The following DCDC2 variants were observed in gnomAD, a reference collection of about 807,000 sequenced individuals.
DCDC2 encodes doublecortin domain containing 2.
In DCDC2, 40 loss-of-function variants were observed where a neutral mutation model predicts 50.2. The ratio of observed to expected loss-of-function variants is 0.80; its 90% confidence interval spans 0.62 to 1.04. The LOEUF (loss-of-function observed/expected upper bound fraction) is 1.04. Among genes scored for constraint, DCDC2 ranks in the 50% least tolerant of loss-of-function variants. DCDC2 has a pLI of 0.00. For synonymous variants in DCDC2, 234 were observed against 210.6 expected, an observed-to-expected ratio of 1.11 and a Z score of -0.96; for missense variants, 570 against 581.9, an observed-to-expected ratio of 0.98 and a Z score of 0.21.
chr6:24,353,495 A>G, intron 2 of DCDC2, 74 bp downstream of exon 2: 1 of 933,122 alleles, frequency 1.1e-6, no homozygotes, highest in Non-Finnish European at 1.7e-6. Flanking sequence ...ATGCCGTCCA[A>G]ATCTCTAAGA....
chr6:24,192,180 C>T (rs920959628), intron 8 of DCDC2, among the ~76,000 whole-genome samples: 4 of 152,132 alleles, frequency 2.6e-5, no homozygotes, highest in African/African-American at 9.7e-5. Flanking sequence ...TATACTGAAA[C>T]AGAGAATAAA....
chr6:24,199,583 C>A (rs1236551067), intron 8 of DCDC2, among the ~76,000 whole-genome samples: 1 of 152,164 alleles, frequency 6.6e-6, no homozygotes, highest in South Asian at 2.1e-4. Context: ...CTGAAAATTC[C>A]AAAAACCAGA....
chr6:24,349,984 C>A (rs1178669822), intron 2 of DCDC2, among the ~76,000 whole-genome samples: 1 of 151,924 alleles, frequency 6.6e-6, no homozygotes, highest in African/African-American at 2.4e-5. Flanking sequence ...TTCTTTATTC[C>A]CCCCCTCCAC....
chr6:24,178,216 A>G (rs1581568624), intron 9 of DCDC2, 114 bp downstream of exon 9: 3 of 1,062,746 alleles, frequency 2.8e-6, no homozygotes, highest in Admixed American at 2.2e-5. Context: ...TTCCTACTCA[A>G]CCACAAGTGG....
chr6:24,217,133 G>C (rs148772483), intron 7 of DCDC2, among the ~76,000 whole-genome samples: 1 of 150,924 alleles, frequency 6.6e-6, no homozygotes, highest in African/African-American at 2.4e-5. Context: ...TTCATACAAA[G>C]AATCTTAAAA....
intron 7 of DCDC2, among the ~76,000 whole-genome samples, chr6:24,266,859 G>A (rs60955845): frequency 0.083 from 12,587 of 152,240 alleles, 805 homozygotes; most frequent in African/African-American, 0.19. Flanking sequence ...TGCACTCCAT[G>A]TTTATTGCAG....
chr6:24,220,895 C>CGAGT (rs1208469095), intron 7 of DCDC2, among the ~76,000 whole-genome samples: 2 of 117,160 alleles, frequency 1.7e-5, no homozygotes, highest in East Asian at 2.8e-4. Flanking sequence ...AGAGAGTGAG[C>CGAGT]GAGCGAGCGA....
At chr6:24,195,159 G>A (rs1284797152) in intron 8 of DCDC2, among the ~76,000 whole-genome samples, 1 of 152,146 alleles carries the variant, frequency 6.6e-6, no homozygotes, top group Non-Finnish European at 1.5e-5. Context: ...AGACAAGTTA[G>A]CATGCCACAG....
chr6:24,191,816 G>T (rs1761319946), intron 8 of DCDC2, among the ~76,000 whole-genome samples: 1 of 152,198 alleles, frequency 6.6e-6, no homozygotes, highest in Non-Finnish European at 1.5e-5. Flanking sequence ...CAGAAGAGTG[G>T]AAAGGGAATA....
intron 7 of DCDC2, among the ~76,000 whole-genome samples, chr6:24,218,722 C>T (rs554614871): frequency 1.3e-5 from 2 of 152,150 alleles, no homozygotes; most frequent in Non-Finnish European, 2.9e-5. Context: ...CTCCTGGGCT[C>T]GAGTAATCTG....
chr6:24,308,932 C>A (rs551957951), intron 2 of DCDC2, among the ~76,000 whole-genome samples: 2 of 152,160 alleles, frequency 1.3e-5, no homozygotes, highest in South Asian at 2.1e-4. Flanking sequence ...CCCATGCTAC[C>A]AAAAAATCAC....
At chr6:24,182,069 C>T (rs950569659) in intron 8 of DCDC2, among the ~76,000 whole-genome samples, 1 of 152,154 alleles carries the variant, frequency 6.6e-6, no homozygotes, top group South Asian at 2.1e-4. Context: ...AGGGAAAGGA[C>T]AGTCTTTCAA....
At chr6:24,217,146 A>C (rs1335553232) in intron 7 of DCDC2, among the ~76,000 whole-genome samples, 2 of 152,216 alleles carry the variant, frequency 1.3e-5, no homozygotes, top group African/African-American at 4.8e-5. Flanking sequence ...TCTTAAAAAA[A>C]AAATAGCCAA....
chr6:24,286,767 T>C (rs1763620543), intron 6 of DCDC2, among the ~76,000 whole-genome samples: 1 of 152,172 alleles, frequency 6.6e-6, no homozygotes, highest in Non-Finnish European at 1.5e-5. Flanking sequence ...GCTGCCTTCT[T>C]CTTGGCCATA....
chr6:24,290,927 C>G lies in DCDC2; in HGVS notation c.704+5G>C. The G allele has an allele frequency of 6.2e-7, 1 of 1,612,854 alleles. No individual in the cohort carries two copies. Among genetic ancestry groups the G allele is most frequent in the Non-Finnish European group, 8.5e-7 (1 of 1,179,698 alleles). ...GCATGAGGAGTGGTAAGGAGTAAGA[C>G]TTACCCAAAAGGCCTTCTCATCGTT... On this transcript the variant is annotated splice_donor_5th_base_variant and intron_variant, in intron 5 of 9. Coordinates refer to ENST00000378454, the MANE Select transcript of DCDC2 (RefSeq NM_016356.5).
At chr6:24,193,343 C>A (rs1761351767) in intron 8 of DCDC2, among the ~76,000 whole-genome samples, 1 of 151,992 alleles carries the variant, frequency 6.6e-6, no homozygotes, top group South Asian at 2.1e-4. Context: ...AAAGGAAATT[C>A]TCAAAATAAT....
chr6:24,173,499 A>G lies in DCDC2; in HGVS notation c.*1231T>C, dbSNP rs1433563759. 2 of 152,196 alleles carry G rather than the reference A, an allele frequency of 1.3e-5. No individual in the cohort carries two copies. The highest frequency in any genetic ancestry group is 2.9e-5 in the Non-Finnish European group (2 of 68,026). The allele number at this position is 152,196 out of a possible 1,614,324, so 9.4% of individuals were successfully genotyped here. On this transcript the variant is annotated 3_prime_UTR_variant, in exon 10 of 10. Transcript: ENST00000378454. Reference sequence around the variant, plus strand: ...ATTTATGGAAGAACATCTCTTAAGAATTCATAAAAAGGACGAAATTATGTT... The same window carrying G: ...ATTTATGGAAGAACATCTCTTAAGAGTTCATAAAAAGGACGAAATTATGTT...
intron 2 of DCDC2, among the ~76,000 whole-genome samples, chr6:24,339,524 A>G (rs1397921060): frequency 6.6e-6 from 1 of 152,208 alleles, no homozygotes; most frequent in Non-Finnish European, 1.5e-5. Flanking sequence ...ATTTGTGACT[A>G]GTGTCATTCC....
intron 2 of DCDC2, among the ~76,000 whole-genome samples, chr6:24,330,945 A>G (rs546975125): frequency 1.8e-4 from 28 of 152,334 alleles, no homozygotes; most frequent in Admixed American, 1.2e-3. Context: ...TATTTACTTT[A>G]AAACTACAAT....
Sources: gnomAD v4.1 joint callset for allele counts (sites outside exome capture counted in the v4.1 genomes callset) on GRCh38, gnomAD v4.1.1 for gene constraint, MANE v1.5 for transcripts, NCBI Gene and HGNC (gene_info 2026-07-23, HGNC 2026-07-21) for gene names.